Variants in FGF12 observed in about 807,000 individuals in gnomAD.
The protein encoded by FGF12 is fibroblast growth factor 12B.
FGF12 carries 14 observed loss-of-function variants against 23.6 expected under a neutral mutation model. The ratio of observed to expected loss-of-function variants is 0.59; its 90% CI spans 0.39 to 0.93. FGF12 has a LOEUF of 0.93. FGF12 is among the 40% of genes least tolerant of loss of function. The pLI is 0.00. For missense variants in FGF12, 175 were observed against 217.8 expected (o/e 0.80, Z 1.24); for synonymous variants, 62 against 77.3 (o/e 0.80, Z 1.04).
intron 2 of FGF12, among the ~76,000 whole-genome samples, chr3:192,420,879 T>A (rs1721505375): frequency 6.6e-6 from 1 of 152,138 alleles, no homozygotes; most frequent in Admixed American, 6.6e-5. Flanking sequence ...TCATATAGTA[T>A]CTTTGATTTC....
intron 4 of FGF12, among the ~76,000 whole-genome samples, chr3:192,254,220 C>A (rs1334044414): frequency 3.3e-5 from 5 of 151,734 alleles, no homozygotes; most frequent in Admixed American, 3.3e-4. Context: ...CTACTCTCTG[C>A]GTCTATGAAT....
chr3:192,437,088 T>C (rs1007206021), intron 2 of FGF12, among the ~76,000 whole-genome samples: 7 of 152,214 alleles, frequency 4.6e-5, no homozygotes, highest in African/African-American at 1.7e-4. Flanking sequence ...TAAAAGGTCT[T>C]GCAGCAAGAG....
At chr3:192,504,709 C>G (rs1301311484) in intron 2 of FGF12, among the ~76,000 whole-genome samples, 1 of 152,204 alleles carries the variant, frequency 6.6e-6, no homozygotes, top group African/African-American at 2.4e-5. Flanking sequence ...GAACCCAAAT[C>G]TCTCTCACAC....
intron 2 of FGF12, among the ~76,000 whole-genome samples, chr3:192,517,216 T>C (rs911720658): frequency 2.0e-5 from 3 of 152,248 alleles, no homozygotes; most frequent in African/African-American, 7.2e-5. Flanking sequence ...CAACCCTCTC[T>C]GCCTCCTGGC....
intron 3 of FGF12, among the ~76,000 whole-genome samples, chr3:192,347,596 C>T (rs1718023812): frequency 6.6e-6 from 1 of 152,082 alleles, no homozygotes. Context: ...ACTGTATATT[C>T]CAACCCCTTC....
chr3:192,165,212 C>G (rs1474242885), intron 5 of FGF12, among the ~76,000 whole-genome samples: 1 of 152,006 alleles, frequency 6.6e-6, no homozygotes, highest in African/African-American at 2.4e-5. Context: ...GCCTCGACTT[C>G]CCAAATTGCT....
intron 2 of FGF12, among the ~76,000 whole-genome samples, chr3:192,428,787 T>C (rs1721766759): frequency 6.6e-6 from 1 of 152,204 alleles, no homozygotes; most frequent in African/African-American, 2.4e-5. Flanking sequence ...ACCTTAGCTT[T>C]AGATGAAGGA....
At chr3:192,492,717 C>T (rs966821392) in intron 2 of FGF12, among the ~76,000 whole-genome samples, 1 of 151,978 alleles carries the variant, frequency 6.6e-6, no homozygotes, top group Non-Finnish European at 1.5e-5. Context: ...AGGATCACAC[C>T]GATATAACAC....
intron 2 of FGF12, among the ~76,000 whole-genome samples, chr3:192,371,908 C>T (rs745827642): frequency 2.6e-5 from 4 of 152,134 alleles, no homozygotes; most frequent in Non-Finnish European, 5.9e-5. Context: ...TAATACATCT[C>T]TCTACTTCTT....
At chr3:192,627,840 CTG>C (rs1455660746) in intron 2 of FGF12, among the ~76,000 whole-genome samples, 1 of 140,796 alleles carries the variant, frequency 7.1e-6, no homozygotes, top group East Asian at 2.0e-4. Context: ...GACTTGTACT[CTG>C]TGTGTGTGCA....
chr3:192,429,773 T>C (rs1721805277), intron 2 of FGF12, among the ~76,000 whole-genome samples: 2 of 143,328 alleles, frequency 1.4e-5, no homozygotes, highest in African/African-American at 2.5e-5. Flanking sequence ...TTTGAGAAGA[T>C]ATCTCTTAAC....
At chr3:192,322,955 C>G (rs984554208) in intron 4 of FGF12, among the ~76,000 whole-genome samples, 6 of 152,078 alleles carry the variant, frequency 3.9e-5, no homozygotes, top group Non-Finnish European at 8.8e-5. Context: ...AAATGGCAGA[C>G]AGGTATATAA....
intron 4 of FGF12, among the ~76,000 whole-genome samples, chr3:192,277,440 G>A (rs576990213): frequency 6.6e-6 from 1 of 152,148 alleles, no homozygotes; most frequent in African/African-American, 2.4e-5. Context: ...AAGAGACACA[G>A]TAAAGACGGT....
chr3:192,588,727 C>T (rs889136945), intron 2 of FGF12, among the ~76,000 whole-genome samples: 4 of 151,916 alleles, frequency 2.6e-5, no homozygotes, highest in Non-Finnish European at 5.9e-5. Context: ...CAAGGCTATA[C>T]AGCTAGAAAC....
chr3:192,349,332 T>C (rs981636501), intron 3 of FGF12, among the ~76,000 whole-genome samples: 2 of 152,086 alleles, frequency 1.3e-5, no homozygotes, highest in African/African-American at 2.4e-5. Flanking sequence ...AGTAAGGTAA[T>C]GAATTTCAGG....
intron 3 of FGF12, among the ~76,000 whole-genome samples, chr3:192,349,356 T>C (rs1042240326): frequency 6.6e-6 from 1 of 152,068 alleles, no homozygotes; most frequent in Non-Finnish European, 1.5e-5. Flanking sequence ...TTTAAAGTGA[T>C]CTCTAATTCT....
At chr3:192,565,836 C>T (rs1712254817) in intron 2 of FGF12, among the ~76,000 whole-genome samples, 2 of 152,214 alleles carry the variant, frequency 1.3e-5, no homozygotes, top group African/African-American at 4.8e-5. Context: ...CCTGTAATCC[C>T]AGCACTTTGG....
At chr3:192,292,746 A>G (rs1042820506) in intron 4 of FGF12, among the ~76,000 whole-genome samples, 1 of 152,106 alleles carries the variant, frequency 6.6e-6, no homozygotes, top group African/African-American at 2.4e-5. Context: ...ACACTTCAAT[A>G]CAAACATACC....
At chr3:192,519,096 T>C (rs1724751516) in intron 2 of FGF12, among the ~76,000 whole-genome samples, 1 of 152,174 alleles carries the variant, frequency 6.6e-6, no homozygotes, top group African/African-American at 2.4e-5. Context: ...CCCAGAGCAT[T>C]TACACTAGTA....
Sources: allele counts gnomAD v4.1 joint callset (sites outside exome capture counted in the v4.1 genomes callset), GRCh38; gene constraint gnomAD v4.1.1; transcripts MANE v1.5; gene names NCBI Gene and HGNC (gene_info 2026-07-23, HGNC 2026-07-21).